The following PLAA variants were observed in gnomAD, a reference collection of about 807,000 sequenced individuals.
PLAA encodes phospholipase A-2-activating protein.
Under a neutral mutation model 84.1 loss-of-function variants are expected in PLAA, and 48 were observed. That is an observed-to-expected ratio of 0.57 (90% CI 0.45 to 0.73). The LOEUF is 0.73. PLAA is among the 30% of genes least tolerant of loss of function. The pLI, the probability that PLAA is intolerant of heterozygous loss-of-function variation, is 0.00. For synonymous variants in PLAA, 392 were observed against 336.6 expected (o/e 1.16, Z -1.80); for missense variants, 903 against 954.7 (o/e 0.95, Z 0.71).
intron 11 of PLAA, among the ~76,000 whole-genome samples, chr9:26,913,125 T>G (rs1297753053): frequency 6.6e-6 from 1 of 152,198 alleles, no homozygotes; most frequent in Non-Finnish European, 1.5e-5. Flanking sequence ...GTGTTTATTT[T>G]AATGCTGAAT....
intron 12 of PLAA, 89 bp downstream of exon 12, chr9:26,910,249 A>G (rs1824358268): frequency 6.8e-6 from 6 of 882,744 alleles, no homozygotes; most frequent in Non-Finnish European, 9.4e-6. Context: ...TAAGTACCCA[A>G]TTCCTGACAC....
chr9:26,914,413 T>G (rs772047411), intron 10 of PLAA, among the ~76,000 whole-genome samples: 1 of 152,086 alleles, frequency 6.6e-6, no homozygotes, highest in East Asian at 1.9e-4. Flanking sequence ...AGAGTAAGTA[T>G]AGAGAGAGAA....
At chr9:26,946,783 GAGGGA>G (rs1177804007) in intron 1 of PLAA, 109 bp downstream of exon 1, 53 of 1,208,212 alleles carry the variant, frequency 4.4e-5, no homozygotes, top group Non-Finnish European at 6.0e-5. Context: ...GCGGAGAGCA[GAGGGA>G]AGGCTGGGGG....
In PLAA at chr9:26,935,096, G is replaced by T; in HGVS notation, c.260C>A (p.Thr87Asn). 6.2e-7 allele frequency: 1 copy of T among 1,610,646 alleles called. No homozygotes were observed. Among genetic ancestry groups the T allele is most frequent in the African/African-American group, 1.3e-5 (1 of 74,864 alleles). ...SDIYPHGLIA[T>N]GGNDHNICIF... ...GCATATATTGTGGTCATTTCCACCGGTGGCAATTAGGCCATGAGGGTAGAT... is the reference window on the plus strand; with the variant it reads ...GCATATATTGTGGTCATTTCCACCGTTGGCAATTAGGCCATGAGGGTAGAT... The change falls in exon 2 of 14, where the codon ACC (threonine) becomes AAC (asparagine). Residue 87 changes from threonine to asparagine, a missense_variant. Coordinates refer to ENST00000397292, the MANE Select transcript of PLAA (RefSeq NM_001031689.3).
Position 26,907,971 on chromosome 9 carries a change from G to A in PLAA, c.1685C>T (p.Ala562Val). ...CTCAGTTAACTTCTTCTCTTCAGGT[G>A]CAGTTCCATTAAGTTCCTTCAGTTT... The part of the protein sequence containing the change: ...LGKLKELNGT[A>V]PEEKKLTEDD... Residue 562 changes from alanine to valine, a missense_variant, in exon 13 of 14, where the codon GCA becomes GTA. Transcript: ENST00000397292. 1 of 1,599,112 alleles carries A rather than the reference G, an allele frequency of 6.3e-7. No homozygotes were observed. The highest frequency in any genetic ancestry group is 2.2e-5 in the East Asian group (1 of 44,730).
intron 4 of PLAA, 72 bp downstream of exon 4, chr9:26,928,028 A>C (rs1460413467): frequency 5.4e-6 from 8 of 1,480,482 alleles, no homozygotes; most frequent in Non-Finnish European, 6.4e-6. Context: ...TCATGCTTGT[A>C]AACTTCTGAG....
rs1169294323 is a variant in PLAA at position 26,905,392 on chromosome 9, G to A, written c.*119C>T. On this transcript the variant is annotated 3_prime_UTR_variant, in exon 14 of 14. Coordinates refer to ENST00000397292, the MANE Select transcript of PLAA (RefSeq NM_001031689.3). ...GTTTCCCCTCCCCACCACTTTACAA[G>A]ATGTAAAATTTTACTTAATCCACCG... 1 of 771,076 alleles carries A rather than the reference G, an allele frequency of 1.3e-6. No individual in the cohort carries two copies. The highest frequency in any genetic ancestry group is 2.1e-6 in the Non-Finnish European group (1 of 487,216). The allele number at this position is 771,076 out of a possible 1,614,324, so 47.8% of individuals were successfully genotyped here. A position where few individuals can be genotyped will look rare whatever the true frequency, so the allele number is the denominator to read the frequency against.
chr9:26,937,448 T>C, intron 1 of PLAA, among the ~76,000 whole-genome samples: 1 of 152,112 alleles, frequency 6.6e-6, no homozygotes, highest in South Asian at 2.1e-4. Context: ...TTTCTAGAGT[T>C]ATATTATTAG....
intron 1 of PLAA, among the ~76,000 whole-genome samples, chr9:26,938,885 G>A (rs1219106901): frequency 6.6e-6 from 1 of 151,982 alleles, no homozygotes; most frequent in African/African-American, 2.4e-5. Flanking sequence ...ATGTTTTTAG[G>A]ACACAGAGTA....
At chr9:26,923,071 G>C (rs1824821547) in intron 7 of PLAA, 107 bp downstream of exon 7, 4 of 759,456 alleles carry the variant, frequency 5.3e-6, no homozygotes, top group Admixed American at 5.2e-5. Context: ...TCAAAAATCA[G>C]CATCTAGCAA....
intron 12 of PLAA, among the ~76,000 whole-genome samples, chr9:26,908,772 C>T (rs1824314497): frequency 6.6e-6 from 1 of 152,160 alleles, no homozygotes; most frequent in Non-Finnish European, 1.5e-5. Context: ...CCACGTCCGG[C>T]CTCCATTTTG....
Position 26,916,206 on chromosome 9 carries a change from G to A in PLAA, c.1486+891C>T, listed in dbSNP as rs1434932766. The A allele has an allele frequency of 3.0e-6, 3 of 985,246 alleles. No homozygotes were observed. In the East Asian group the frequency reaches 3.4e-4, roughly 112 times the overall value. The allele number at this position is 985,246 out of a possible 1,614,324, so 61.0% of individuals were successfully genotyped here. ...CAATCTCTATGACTTAGAGAGGACTGTAGGTTGTCATTTTTATAGCTCACA... is the reference window on the plus strand; with the variant it reads ...CAATCTCTATGACTTAGAGAGGACTATAGGTTGTCATTTTTATAGCTCACA... On this transcript the variant is annotated intron_variant, in intron 10 of 13. Coordinates refer to ENST00000397292, the MANE Select transcript of PLAA (RefSeq NM_001031689.3).
intron 1 of PLAA, among the ~76,000 whole-genome samples, chr9:26,945,462 A>C (rs1398747695): frequency 6.6e-6 from 1 of 152,236 alleles, no homozygotes; most frequent in Non-Finnish European, 1.5e-5. Context: ...TTAGAGTTAG[A>C]TCTTTAGAGA....
chr9:26,933,517 A>G (rs1292341135), intron 2 of PLAA, among the ~76,000 whole-genome samples: 2 of 151,644 alleles, frequency 1.3e-5, no homozygotes, highest in Non-Finnish European at 2.9e-5. Context: ...GGCCAGGCGC[A>G]GTGGCTCACG....
chr9:26,916,469 C>T, intron 10 of PLAA: 17 of 986,704 alleles, frequency 1.7e-5, no homozygotes, highest in Non-Finnish European at 2.0e-5. Flanking sequence ...AGAGATACAC[C>T]AACACTTCAA....
rs765643605 is a variant in PLAA at position 26,935,118 on chromosome 9, A to G, written c.238T>C (p.Tyr80His). Residue 80 changes from tyrosine (Y) to histidine (H), a missense_variant, in exon 2 of 14, where the codon TAC becomes CAC. Coordinates refer to ENST00000397292, the MANE Select transcript of PLAA (RefSeq NM_001031689.3). ...CVCIIPSSDI[Y>H]PHGLIATGGN... ...CCGGTGGCAATTAGGCCATGAGGGTAGATGTCACTTGAGGGTATGATGCAT... is the reference window on the plus strand; with the variant it reads ...CCGGTGGCAATTAGGCCATGAGGGTGGATGTCACTTGAGGGTATGATGCAT... 1.2e-5 allele frequency: 20 copies of G among 1,611,220 alleles called. No individual in the cohort carries two copies. The highest frequency in any genetic ancestry group is 1.5e-5 in the Non-Finnish European group (18 of 1,178,820).
rs554622879 is a variant in PLAA at position 26,905,882 on chromosome 9, G to C, written c.2017C>G (p.Gln673Glu). ...TCCCTCTGGGACATCATGAGTTTTT[G>C]TCCTGCCTGGCCAACAAAACAATTG... ...FCNCFVGQAGQKLMMSQRESL... is the reference protein window; with the variant it reads ...FCNCFVGQAGEKLMMSQRESL... The change falls in exon 14 of 14, where the codon CAA becomes GAA. Residue 673 changes from glutamine to glutamate, a missense_variant. Physicochemically the swap from Gln to Glu is conservative, Grantham distance 29. Transcript: ENST00000397292. 1 of 1,614,084 alleles carries C rather than the reference G, an allele frequency of 6.2e-7. No individual in the cohort carries two copies. Among genetic ancestry groups the C allele is most frequent in the African/African-American group, 1.3e-5 (1 of 75,022 alleles).
Position 26,904,870 on chromosome 9 carries a change from T to C in PLAA, c.*641A>G, listed in dbSNP as rs1356030914. ...AACTGGATCTAAGCCTGGAGTTAAA[T>C]TGAGACCTCGTCTGTCTGAACTGAT... On this transcript the variant is annotated 3_prime_UTR_variant, in exon 14 of 14. Coordinates refer to ENST00000397292, the MANE Select transcript of PLAA (RefSeq NM_001031689.3). 6.6e-6 allele frequency: 1 copy of C among 152,300 alleles called. No individual in the cohort carries two copies. Among genetic ancestry groups the C allele is most frequent in the Non-Finnish European group, 1.5e-5 (1 of 68,008 alleles). 9.4% of individuals were successfully genotyped at this position (152,300 alleles called of 1,614,324 possible).
At chr9:26,945,011 C>T (rs1436672335) in intron 1 of PLAA, among the ~76,000 whole-genome samples, 1 of 152,160 alleles carries the variant, frequency 6.6e-6, no homozygotes, top group African/African-American at 2.4e-5. Context: ...CCTGTAATCA[C>T]AGCTTCTTGG....
Sources: allele counts gnomAD v4.1 joint callset (sites outside exome capture counted in the v4.1 genomes callset), GRCh38; gene constraint gnomAD v4.1.1; transcripts MANE v1.5; gene names NCBI Gene and HGNC (gene_info 2026-07-23, HGNC 2026-07-21).